Variants in ASTN2 observed in about 807,000 individuals in gnomAD.
ASTN2 encodes astrotactin 2, also known as astrotactin-2.
A neutral mutation model predicts 139.8 loss-of-function variants in ASTN2; 54 were observed. The observed-to-expected ratio is 0.39, with a 90% CI of 0.31 to 0.48. The LOEUF (loss-of-function observed/expected upper bound fraction) is 0.48, where lower values mean the gene tolerates loss of function less well. Ranked by LOEUF, ASTN2 falls within the 20% of genes least tolerant of loss-of-function variation. ASTN2 has a pLI of 0.95. For missense variants in ASTN2, 1,565 were observed against 1,725.1 expected (o/e 0.91, Z 1.64); for synonymous variants, 756 against 719.5 (o/e 1.05, Z -0.81).
At chr9:116,444,540 C>T (rs1588064584) in intron 20 of ASTN2, among the ~76,000 whole-genome samples, 1 of 152,278 alleles carries the variant, frequency 6.6e-6, no homozygotes, top group Non-Finnish European at 1.5e-5. Flanking sequence ...CTCCCACTCG[C>T]AGGCTCAGGG....
chr9:116,586,841 C>CACACACACACACAT (rs1854176763), intron 19 of ASTN2, among the ~76,000 whole-genome samples: 1 of 145,638 alleles, frequency 6.9e-6, no homozygotes, highest in African/African-American at 2.7e-5. Flanking sequence ...TACACACACA[C>CACACACACACACAT]ACACACACAC....
At chr9:117,259,323 C>A (rs1269603309) in intron 2 of ASTN2, among the ~76,000 whole-genome samples, 1 of 152,082 alleles carries the variant, frequency 6.6e-6, no homozygotes, top group Non-Finnish European at 1.5e-5. Context: ...TTCTAAGGCC[C>A]CCCTCAACCA....
chr9:117,097,386 CT>C (rs1828866603), intron 4 of ASTN2, among the ~76,000 whole-genome samples: 1 of 152,062 alleles, frequency 6.6e-6, no homozygotes, highest in Non-Finnish European at 1.5e-5. Context: ...GTGCTTTCTG[CT>C]TTTTTAATTG....
intron 5 of ASTN2, among the ~76,000 whole-genome samples, chr9:117,086,122 C>T (rs776328998): frequency 1.3e-5 from 2 of 152,186 alleles, no homozygotes; most frequent in Non-Finnish European, 2.9e-5. Context: ...TTTCCTCTAT[C>T]TCCCTTCTTG....
intron 10 of ASTN2, among the ~76,000 whole-genome samples, chr9:116,866,857 C>T (rs1195807836): frequency 7.4e-6 from 1 of 135,642 alleles, no homozygotes; most frequent in Non-Finnish European, 1.5e-5. Flanking sequence ...CGTGCCACGG[C>T]ACTCTAGCCT....
intron 19 of ASTN2, among the ~76,000 whole-genome samples, chr9:116,529,822 C>T (rs1851244699): frequency 6.6e-6 from 1 of 152,016 alleles, no homozygotes; most frequent in Non-Finnish European, 1.5e-5. Context: ...CCTGCTTCCC[C>T]TTCAACTTCC....
intron 13 of ASTN2, among the ~76,000 whole-genome samples, chr9:116,768,231 T>G (rs2132179878): frequency 1.1e-5 from 1 of 94,132 alleles, no homozygotes; most frequent in South Asian, 3.5e-4. Flanking sequence ...AACCCATTCC[T>G]ATCTGCTTTT....
intron 20 of ASTN2, among the ~76,000 whole-genome samples, chr9:116,447,150 C>T (rs1848024997): frequency 6.6e-6 from 1 of 152,156 alleles, no homozygotes; most frequent in Admixed American, 6.5e-5. Flanking sequence ...CCACCAGTGG[C>T]ACTCTCTGGC....
chr9:117,414,366 C>A lies in ASTN2; in HGVS notation c.442+131G>T. The A allele has an allele frequency of 7.1e-7, 1 of 1,413,402 alleles. No individual in the cohort carries two copies. The allele number at this position is 1,413,402 out of a possible 1,614,324, so 87.6% of individuals were successfully genotyped here. A position where few individuals can be genotyped will look rare whatever the true frequency, so the allele number is the denominator to read the frequency against. On this transcript the variant is annotated intron_variant, in intron 1 of 22. Transcript: ENST00000313400. The surrounding 1 kb of genome is among the most constrained non-coding windows in gnomAD (Gnocchi z 4.2). ...AACCACCTGTGCGACCTCTGGGCCCCTCCTCTACCCTCTGCCAACCCCACT... is the reference window on the plus strand; with the variant it reads ...AACCACCTGTGCGACCTCTGGGCCCATCCTCTACCCTCTGCCAACCCCACT...
chr9:117,023,137 A>G (rs963900023), intron 6 of ASTN2, among the ~76,000 whole-genome samples: 3 of 152,092 alleles, frequency 2.0e-5, no homozygotes, highest in Non-Finnish European at 4.4e-5. Context: ...GCCTAAATAC[A>G]CAAAATTGGA....
intron 20 of ASTN2, among the ~76,000 whole-genome samples, chr9:116,485,271 C>CA (rs5900217): frequency 0.056 from 8,545 of 152,138 alleles, 340 homozygotes; most frequent in East Asian, 0.18. Flanking sequence ...ATTGGAGGCT[C>CA]AGAGGGATGG....
intron 16 of ASTN2, among the ~76,000 whole-genome samples, chr9:116,686,125 A>T (rs1366371469): frequency 1.3e-5 from 2 of 152,328 alleles, no homozygotes; most frequent in East Asian, 3.9e-4. Flanking sequence ...TCTTCATGGC[A>T]AACTTCAATT....
intron 2 of ASTN2, among the ~76,000 whole-genome samples, chr9:117,270,476 A>T (rs545323665): frequency 1.3e-5 from 2 of 152,324 alleles, no homozygotes; most frequent in South Asian, 4.1e-4. Context: ...CAGAGACATT[A>T]AATGGCCCTT....
intron 6 of ASTN2, among the ~76,000 whole-genome samples, chr9:117,023,257 A>G (rs534678619): frequency 6.7e-4 from 102 of 152,262 alleles, no homozygotes; most frequent in African/African-American, 2.3e-3. Context: ...CATTCCACAG[A>G]AAAGCTTTCC....
intron 1 of ASTN2, among the ~76,000 whole-genome samples, chr9:117,413,012 G>A (rs958600192): frequency 5.9e-5 from 9 of 152,168 alleles, no homozygotes; most frequent in Admixed American, 1.3e-4. Flanking sequence ...GGGAGTCCCC[G>A]AGGAACCTGC....
chr9:116,895,038 A>G (rs1443424579), intron 10 of ASTN2, among the ~76,000 whole-genome samples: 1 of 152,236 alleles, frequency 6.6e-6, no homozygotes, highest in Non-Finnish European at 1.5e-5. Flanking sequence ...ACATTCTGAA[A>G]GCAAGCTTAA....
At chr9:116,521,181 G>A (rs1306457030) in intron 19 of ASTN2, among the ~76,000 whole-genome samples, 1 of 151,968 alleles carries the variant, frequency 6.6e-6, no homozygotes, top group African/African-American at 2.4e-5. Context: ...GACCAAAAAA[G>A]AGCCTGCATA....
intron 5 of ASTN2, among the ~76,000 whole-genome samples, chr9:117,093,960 A>G (rs1828770760): frequency 6.6e-6 from 1 of 152,164 alleles, no homozygotes; most frequent in Admixed American, 6.5e-5. Context: ...ACCATCTAAT[A>G]GATTTGTATT....
intron 17 of ASTN2, among the ~76,000 whole-genome samples, chr9:116,621,441 GCA>G (rs10547546): frequency 0.46 from 68,207 of 147,564 alleles, 15,779 homozygotes; most frequent in East Asian, 0.71. Flanking sequence ...ACACATGCAC[GCA>G]CACACACACA....
Sources: allele counts gnomAD v4.1 joint callset (sites outside exome capture counted in the v4.1 genomes callset), GRCh38; gene constraint gnomAD v4.1.1; non-coding constraint Gnocchi (gnomAD v3.1); transcripts MANE v1.5; gene names NCBI Gene and HGNC (gene_info 2026-07-23, HGNC 2026-07-21).